Variants in KCND2 observed in about 807,000 individuals in gnomAD.
KCND2 encodes the protein potassium voltage-gated channel subfamily D member 2.
In KCND2, 16 loss-of-function variants were observed where a neutral mutation model predicts 54.4. That is an observed-to-expected ratio of 0.29 (90% CI 0.20 to 0.45). The LOEUF is 0.45. Among genes scored for constraint, KCND2 ranks in the 20% least tolerant of loss-of-function variants. The probability of loss-of-function intolerance (pLI) is 1.00; values close to 1 mark genes in which losing one functional copy is unlikely to be tolerated. For synonymous variants in KCND2, 317 were observed against 310.7 expected (o/e 1.02, Z -0.21); for missense variants, 486 against 824.2 (o/e 0.59, Z 5.02).
chr7:120,425,823 T>C (rs1391256682), intron 1 of KCND2, among the ~76,000 whole-genome samples: 2 of 152,228 alleles, frequency 1.3e-5, no homozygotes, highest in African/African-American at 4.8e-5. Flanking sequence ...CAAATTGACC[T>C]TCTCAATCAT....
intron 1 of KCND2, among the ~76,000 whole-genome samples, chr7:120,687,296 G>A (rs968246652): frequency 5.3e-5 from 8 of 152,050 alleles, no homozygotes; most frequent in Admixed American, 3.3e-4. Flanking sequence ...ATAGGAAGTC[G>A]ATCTTCAGCA....
chr7:120,396,935 T>G (rs921341981), intron 1 of KCND2, among the ~76,000 whole-genome samples: 2 of 152,098 alleles, frequency 1.3e-5, no homozygotes, highest in African/African-American at 4.8e-5. Flanking sequence ...TGATAAAATG[T>G]CCCTCTAGGC....
intron 1 of KCND2, among the ~76,000 whole-genome samples, chr7:120,507,326 C>T (rs1584806143): frequency 6.6e-6 from 1 of 151,782 alleles, no homozygotes; most frequent in Non-Finnish European, 1.5e-5. Context: ...TCTGTGTTAA[C>T]CTATGTGGCA....
intron 1 of KCND2, among the ~76,000 whole-genome samples, chr7:120,326,171 A>G (rs1799971685): frequency 6.6e-6 from 1 of 152,120 alleles, no homozygotes; most frequent in Admixed American, 6.6e-5. Context: ...TTAAATATGC[A>G]CTTGATTGGG....
chr7:120,528,360 TATTA>T, intron 1 of KCND2, among the ~76,000 whole-genome samples: 1 of 152,294 alleles, frequency 6.6e-6, no homozygotes, highest in Middle Eastern at 3.4e-3. Context: ...TAAAGTGATT[TATTA>T]TTTAAAAAAA....
At chr7:120,639,725 G>A (rs532344962) in intron 1 of KCND2, among the ~76,000 whole-genome samples, 9 of 152,220 alleles carry the variant, frequency 5.9e-5, no homozygotes, top group Admixed American at 3.3e-4. Flanking sequence ...TCTTAAAGCC[G>A]AAAAGTTTGT....
intron 1 of KCND2, among the ~76,000 whole-genome samples, chr7:120,682,750 G>T (rs944857554): frequency 6.6e-6 from 1 of 152,092 alleles, no homozygotes; most frequent in African/African-American, 2.4e-5. Context: ...CACAATAGCC[G>T]GTTAAAAGTA....
intron 1 of KCND2, among the ~76,000 whole-genome samples, chr7:120,611,015 A>G (rs1221985074): frequency 6.6e-6 from 1 of 152,102 alleles, no homozygotes; most frequent in African/African-American, 2.4e-5. Flanking sequence ...CAAAGAAATC[A>G]CTTGTTATCC....
At chr7:120,322,473 A>G (rs1181473425) in intron 1 of KCND2, among the ~76,000 whole-genome samples, 1 of 152,160 alleles carries the variant, frequency 6.6e-6, no homozygotes, top group Non-Finnish European at 1.5e-5. Flanking sequence ...AGCATAAGTT[A>G]AAGTTTATGG....
intron 1 of KCND2, among the ~76,000 whole-genome samples, chr7:120,277,999 A>G (rs1232455738): frequency 1.3e-5 from 2 of 151,986 alleles, no homozygotes; most frequent in Admixed American, 1.3e-4. Flanking sequence ...GAACATTTTA[A>G]TTTTCAGGAA....
intron 1 of KCND2, among the ~76,000 whole-genome samples, chr7:120,598,669 G>A (rs904662878): frequency 6.6e-6 from 1 of 151,960 alleles, no homozygotes; most frequent in Admixed American, 6.6e-5. Flanking sequence ...TAATTGGATT[G>A]TTTGTTCTGT....
At chr7:120,700,257 C>A (rs930183252) in intron 1 of KCND2, among the ~76,000 whole-genome samples, 4 of 152,066 alleles carry the variant, frequency 2.6e-5, no homozygotes, top group African/African-American at 9.7e-5. Flanking sequence ...ATGTTTAGAG[C>A]AAACATATGT....
intron 1 of KCND2, among the ~76,000 whole-genome samples, chr7:120,477,163 T>C (rs1283370080): frequency 4.6e-5 from 7 of 152,254 alleles, no homozygotes; most frequent in Non-Finnish European, 7.3e-5. Flanking sequence ...ACTAGCTTAC[T>C]GTATGCTTAC....
At chr7:120,350,233 C>G (rs892195405) in intron 1 of KCND2, among the ~76,000 whole-genome samples, 5 of 152,008 alleles carry the variant, frequency 3.3e-5, no homozygotes, top group Non-Finnish European at 7.4e-5. Context: ...TTCATTTTCT[C>G]AACAAGTTTA....
At chr7:120,725,295 T>C (rs1309563896) in intron 1 of KCND2, among the ~76,000 whole-genome samples, 1 of 152,186 alleles carries the variant, frequency 6.6e-6, no homozygotes, top group Non-Finnish European at 1.5e-5. Flanking sequence ...AGGGTCCTAA[T>C]TAAGGGTTTC....
At chr7:120,467,150 A>G (rs1425049296) in intron 1 of KCND2, among the ~76,000 whole-genome samples, 1 of 152,186 alleles carries the variant, frequency 6.6e-6, no homozygotes, top group Non-Finnish European at 1.5e-5. Flanking sequence ...GGGAGCCATT[A>G]CTAAGCCTAA....
chr7:120,578,538 C>T (rs917393331), intron 1 of KCND2, among the ~76,000 whole-genome samples: 4 of 151,934 alleles, frequency 2.6e-5, no homozygotes, highest in African/African-American at 9.7e-5. Flanking sequence ...GTTTGTCCAG[C>T]CTAGCGAACA....
intron 1 of KCND2, among the ~76,000 whole-genome samples, chr7:120,544,170 A>G (rs1792015790): frequency 6.6e-6 from 1 of 151,986 alleles, no homozygotes; most frequent in African/African-American, 2.4e-5. Flanking sequence ...ACAGGAGTAT[A>G]CTGTAGAAAA....
At chr7:120,591,018 C>G (rs944188135) in intron 1 of KCND2, among the ~76,000 whole-genome samples, 1 of 151,972 alleles carries the variant, frequency 6.6e-6, no homozygotes, top group Admixed American at 6.6e-5. Flanking sequence ...TAACCTTATT[C>G]TGGATTAATT....
Sources: gnomAD v4.1 joint callset for allele counts (sites outside exome capture counted in the v4.1 genomes callset) on GRCh38, gnomAD v4.1.1 for gene constraint, MANE v1.5 for transcripts, NCBI Gene and HGNC (gene_info 2026-07-23, HGNC 2026-07-21) for gene names.